Variants in RWDD2B observed in about 807,000 individuals in gnomAD.
RWDD2B encodes the protein RWD domain-containing protein 2B.
A neutral mutation model predicts 33.6 loss-of-function variants in RWDD2B; 36 were observed. The observed-to-expected ratio is 1.07, with a 90% CI of 0.82 to 1.42. The LOEUF is 1.42. Among genes scored for constraint, RWDD2B ranks in the 40% most tolerant of loss-of-function variants. The pLI is 0.00. For missense variants in RWDD2B, 364 were observed against 377.5 expected (o/e 0.96, Z 0.30); for synonymous variants, 126 against 133.1 (o/e 0.95, Z 0.37).
At position 29,015,196 on chromosome 21, in the gene RWDD2B, T is replaced by G. The variant is rs191038694; in HGVS notation, c.67+4015A>C. On this transcript the variant is annotated intron_variant, in intron 1 of 4. Coordinates refer to ENST00000493196, the MANE Select transcript of RWDD2B (RefSeq NM_016940.3). Reference sequence around the variant, plus strand: ...TAATTTTAAGAATTTTTCATTGTCTTTGGTTTTCAGAAGTTTGATTATGAT... The same window carrying G: ...TAATTTTAAGAATTTTTCATTGTCTGTGGTTTTCAGAAGTTTGATTATGAT... 3.4e-3 allele frequency among the ~76,000 whole-genome samples: 520 copies of G among 151,342 alleles called. 6 individuals carry two copies. Among genetic ancestry groups the G allele is most frequent in the African/African-American group, 0.012 (475 of 41,250 alleles).
intron 1 of RWDD2B, among the ~76,000 whole-genome samples, chr21:29,011,748 C>T (rs2084862225): frequency 7.4e-6 from 1 of 135,688 alleles, no homozygotes; most frequent in Admixed American, 7.0e-5. Flanking sequence ...GCCAGCCGCC[C>T]CGTCCGGGAG....
Position 29,019,212 on chromosome 21 carries a change from T to A in RWDD2B, c.66A>T (p.Gln22His). The A allele has an allele frequency of 6.3e-7, 1 of 1,598,816 alleles. No homozygotes were observed. Among genetic ancestry groups the A allele is most frequent in the Non-Finnish European group, 8.5e-7 (1 of 1,173,574 alleles). Reference sequence around the variant, plus strand: ...GGCGCTAGCTGAGGCGAGACTCACCTTGAGCCGTGGCCCCCTCACTGCTGT... The same window carrying A: ...GGCGCTAGCTGAGGCGAGACTCACCATGAGCCGTGGCCCCCTCACTGCTGT... ...PGYSSEGATAQETYTCPKMIE... is the reference protein window; with the variant it reads ...PGYSSEGATAHETYTCPKMIE... The change falls in exon 1 of 5, where the codon CAA becomes CAT. Residue 22 changes from glutamine (Q) to histidine (H), a missense_variant and splice_region_variant. Coordinates refer to ENST00000493196, the MANE Select transcript of RWDD2B (RefSeq NM_016940.3).
chr21:29,008,438 T>C lies in RWDD2B; in HGVS notation c.251A>G (p.Tyr84Cys), dbSNP rs1413898147. 8 of 1,614,216 alleles carry C rather than the reference T, an allele frequency of 5.0e-6. No homozygotes were observed. Among genetic ancestry groups the C allele is most frequent in the Non-Finnish European group, 6.8e-6 (8 of 1,180,040 alleles). Residue 84 changes from tyrosine (Y) to cysteine (C), a missense_variant, in exon 2 of 5, where the codon TAC (tyrosine) becomes TGC (cysteine). By Grantham distance (194) the Tyr-to-Cys change is radical. Coordinates refer to ENST00000493196, the MANE Select transcript of RWDD2B (RefSeq NM_016940.3). ...ATCCAGGTTCATATTGATAGTAAAG[T>C]AGACTTTTGAAGATCGCCCCTCCAT... is the stretch of plus-strand genomic sequence containing the variant. ...KTMEGRSSKV[Y>C]FTINMNLDVS...
Position 29,019,322 on chromosome 21 carries a change from A to C in RWDD2B, c.-45T>G. 3 of 1,427,260 alleles carry C rather than the reference A, an allele frequency of 2.1e-6. No homozygotes were observed. Among genetic ancestry groups the C allele is most frequent in the Non-Finnish European group, 2.9e-6 (3 of 1,035,862 alleles). The allele number at this position is 1,427,260 out of a possible 1,614,324, so 88.4% of individuals were successfully genotyped here. On this transcript the variant is annotated 5_prime_UTR_variant, in exon 1 of 5. Transcript: ENST00000493196. Reference sequence around the variant, plus strand: ...TCTAGCATACTGCGACCCAAAACTTACAAACCGCCTCAGCTGGCGACCTAC... The same window carrying C: ...TCTAGCATACTGCGACCCAAAACTTCCAAACCGCCTCAGCTGGCGACCTAC...
chr21:29,012,618 C>T (rs2084869958), intron 1 of RWDD2B, among the ~76,000 whole-genome samples: 1 of 151,768 alleles, frequency 6.6e-6, no homozygotes, highest in Non-Finnish European at 1.5e-5. Context: ...CTCAAGTACC[C>T]AGGGACACAA....
chr21:29,014,303 G>A lies in RWDD2B; in HGVS notation c.67+4908C>T, dbSNP rs1233776348. On this transcript the variant is annotated intron_variant, in intron 1 of 4. Transcript: ENST00000493196. ...GTAACACCATTAATCCATTTGTGAG[G>A]GCCCTGTTCTTTGGGAACTTTTTCA... 5.3e-5 allele frequency among the ~76,000 whole-genome samples: 8 copies of A among 152,096 alleles called. 1 individual carries two copies. The South Asian group carries it at 1.5e-3, about 28-fold the overall frequency.
At chr21:29,012,736 C>T (rs944659064) in intron 1 of RWDD2B, among the ~76,000 whole-genome samples, 15 of 151,784 alleles carry the variant, frequency 9.9e-5, no homozygotes, top group Non-Finnish European at 2.1e-4. Flanking sequence ...CATGCCCAAT[C>T]CCCCTCTGCG....
intron 2 of RWDD2B, 30 bp downstream of exon 2, chr21:29,008,365 T>G: frequency 6.2e-7 from 1 of 1,612,520 alleles, no homozygotes; most frequent in Non-Finnish European, 8.5e-7. Context: ...TCAACATGTT[T>G]CAATCCCTCT....
At chr21:29,013,825 A>T (rs998942727) in intron 1 of RWDD2B, among the ~76,000 whole-genome samples, 1 of 152,164 alleles carries the variant, frequency 6.6e-6, no homozygotes, top group Non-Finnish European at 1.5e-5. Flanking sequence ...ACTACTGCCA[A>T]GCAAGATCTT....
In RWDD2B at chr21:29,005,001, A is replaced by G. The variant is rs2084821511; in HGVS notation, c.*1416T>C. 1 of 152,162 alleles carries G rather than the reference A, an allele frequency of 6.6e-6. No individual in the cohort carries two copies. The highest frequency in any genetic ancestry group is 1.5e-5 in the Non-Finnish European group (1 of 68,028). 9.4% of individuals were successfully genotyped at this position (152,162 alleles called of 1,614,324 possible). ...TCTGACTGGTCAAGAAATATCCAAC[A>G]CCTGGTATCAACCTGCATCAACCTG... On this transcript the variant is annotated 3_prime_UTR_variant, in exon 5 of 5. Coordinates refer to ENST00000493196, the MANE Select transcript of RWDD2B (RefSeq NM_016940.3).
chr21:29,008,832 AAAAC>A (rs960750443), intron 1 of RWDD2B, among the ~76,000 whole-genome samples: 10 of 152,198 alleles, frequency 6.6e-5, no homozygotes, highest in Non-Finnish European at 1.5e-4. Context: ...CATCTATAAA[AAAAC>A]AAACACAAAA....
chr21:29,006,477 G>GAACT lies in RWDD2B; in HGVS notation c.896_899dup (p.Phe300LeufsTer37). The GAACT allele has an allele frequency of 6.2e-7, 1 of 1,614,052 alleles. No homozygotes were observed. The highest frequency in any genetic ancestry group is 1.1e-5 in the South Asian group (1 of 91,074). On this transcript the variant is annotated frameshift_variant, in exon 5 of 5. Transcript: ENST00000493196. LOFTEE classifies it high-confidence loss of function. ...CATCCCCACATCCTTTGGTGTTTAAGAACTGATAGAGCTGACCAAAGTCCA... is the reference window on the plus strand; with the variant it reads ...CATCCCCACATCCTTTGGTGTTTAAGAACTAACTGATAGAGCTGACCAAAGTCCA...
rs2084837866 is a variant in RWDD2B at position 29,008,044 on chromosome 21, C to T, written c.442G>A (p.Asp148Asn). ...TAFLQKHCHG[D>N]VCILNATEWV... ...TCTGTGGCATTCAGTATACAAACATCTCCATGACAATGTTTTTGCAGGAAT... is the reference window on the plus strand; with the variant it reads ...TCTGTGGCATTCAGTATACAAACATTTCCATGACAATGTTTTTGCAGGAAT... Residue 148 changes from aspartate (D) to asparagine (N), a missense_variant, in exon 4 of 5, where the codon GAT (aspartate) becomes AAT (asparagine). Transcript: ENST00000493196. 1.2e-6 allele frequency: 2 copies of T among 1,614,084 alleles called. No individual in the cohort carries two copies. Among genetic ancestry groups the T allele is most frequent in the African/African-American group, 2.7e-5 (2 of 74,952 alleles).
intron 1 of RWDD2B, among the ~76,000 whole-genome samples, chr21:29,011,782 G>A (rs1601021997): frequency 4.8e-5 from 6 of 125,252 alleles, no homozygotes; most frequent in East Asian, 2.7e-4. Flanking sequence ...TCAGCCCCCC[G>A]CCCGGCCAGC....
In RWDD2B at chr21:29,019,348, C is replaced by T. The variant is rs1258461657; in HGVS notation, c.-71G>A. ...CAAACCGCCTCAGCTGGCGACCTAC[C>T]GGAAAAAAAAAAAAAAAGCATGCGG... On this transcript the variant is annotated 5_prime_UTR_variant, in exon 1 of 5. Transcript: ENST00000493196. 8.7e-6 allele frequency: 9 copies of T among 1,034,712 alleles called. No homozygotes were observed. The South Asian group carries it at 8.8e-5, about 10-fold the overall frequency. 64.1% of individuals were successfully genotyped at this position (1,034,712 alleles called of 1,614,324 possible). A position where few individuals can be genotyped will look rare whatever the true frequency, so the allele number is the denominator to read the frequency against.
At position 29,008,387 on chromosome 21, in the gene RWDD2B, T is replaced by C. The variant is rs1275753676; in HGVS notation, c.294+8A>G. 1 of 1,613,690 alleles carries C rather than the reference T, an allele frequency of 6.2e-7. No individual in the cohort carries two copies. The highest frequency in any genetic ancestry group is 1.3e-5 in the African/African-American group (1 of 75,014). Reference sequence around the variant, plus strand: ...GTTTCAATCCCTCTAAAAGCAAAACTGAATTACCATTTTTTCGTCAGATAC... The same window carrying C: ...GTTTCAATCCCTCTAAAAGCAAAACCGAATTACCATTTTTTCGTCAGATAC... On this transcript the variant is annotated splice_region_variant and intron_variant, in intron 2 of 4. Transcript: ENST00000493196.
At chr21:29,019,348 CGG>C in exon 1 of RWDD2B, 1 of 1,034,716 alleles carries the variant, frequency 9.7e-7, no homozygotes. Context: ...GGCGACCTAC[CGG>C]AAAAAAAAAA....
At chr21:29,019,002 C>G (rs910054834) in intron 1 of RWDD2B, among the ~76,000 whole-genome samples, 2 of 152,162 alleles carry the variant, frequency 1.3e-5, no homozygotes, top group Non-Finnish European at 2.9e-5. Flanking sequence ...GCCCTCGCAC[C>G]CTGATTGCCC....
intron 1 of RWDD2B, among the ~76,000 whole-genome samples, chr21:29,015,451 G>T (rs1451015417): frequency 6.7e-6 from 1 of 149,040 alleles, no homozygotes; most frequent in African/African-American, 2.5e-5. Context: ...GGCTGGTCTC[G>T]AAATCCTGAC....
Sources: allele counts gnomAD v4.1 joint callset (sites outside exome capture counted in the v4.1 genomes callset), GRCh38; gene constraint gnomAD v4.1.1; transcripts MANE v1.5; gene names NCBI Gene and HGNC (gene_info 2026-07-23, HGNC 2026-07-21).